Variants in GOLGB1 observed in about 807,000 individuals in gnomAD.
GOLGB1 encodes golgin B1.
Under a neutral mutation model 336.9 loss-of-function variants are expected in GOLGB1, and 174 were observed. That is an observed-to-expected ratio of 0.52 (90% CI 0.46 to 0.59). The LOEUF (loss-of-function observed/expected upper bound fraction) is 0.59. Ranked by LOEUF, GOLGB1 falls within the 20% of genes least tolerant of loss-of-function variation. The pLI is 0.00. For missense variants in GOLGB1, 3,331 were observed against 3,645.3 expected, an observed-to-expected ratio of 0.91 and a Z score of 2.22; for synonymous variants, 1,208 against 1,289.2, an observed-to-expected ratio of 0.94 and a Z score of 1.35.
chr3:121,682,082 C>A (rs1941144328), intron 14 of GOLGB1, among the ~76,000 whole-genome samples: 4 of 152,296 alleles, frequency 2.6e-5, no homozygotes, highest in Admixed American at 2.6e-4. Flanking sequence ...ATCAAGGCTA[C>A]AGGGTGTGAC....
At chr3:121,680,476 G>T (rs1230402461) in intron 15 of GOLGB1, among the ~76,000 whole-genome samples, 4 of 152,108 alleles carry the variant, frequency 2.6e-5, no homozygotes, top group Non-Finnish European at 4.4e-5. Context: ...AAAAAGTATA[G>T]AAAGCTTCAG....
At chr3:121,683,722 A>G (rs926221617) in intron 14 of GOLGB1, among the ~76,000 whole-genome samples, 4 of 152,260 alleles carry the variant, frequency 2.6e-5, no homozygotes, top group African/African-American at 9.6e-5. Context: ...CAAAGATTTA[A>G]GAGATAACAT....
At chr3:121,677,202 TAAAAAA>T in intron 16 of GOLGB1, 77 bp downstream of exon 16, 1 of 1,137,420 alleles carries the variant, frequency 8.8e-7, no homozygotes, top group Non-Finnish European at 1.2e-6. Flanking sequence ...GGTAGCGTCT[TAAAAAA>T]AAAACAAAAC....
Position 121,667,630 on chromosome 3 carries a change from CA to C in GOLGB1, c.9420-21del. The C allele has an allele frequency of 6.2e-7, 1 of 1,608,282 alleles. No individual in the cohort carries two copies. Among genetic ancestry groups the C allele is most frequent in the Admixed American group, 1.7e-5 (1 of 59,008 alleles). ...GAAAAGCTTTAGGATGAGAGGAAAACAAAAAGCATCATCAGATGCAGAAAAC... is the reference window on the plus strand; with the variant it reads ...GAAAAGCTTTAGGATGAGAGGAAAACAAAAGCATCATCAGATGCAGAAAAC... On this transcript the variant is annotated intron_variant, in intron 19 of 21. Transcript: ENST00000614479.
chr3:121,727,348 T>TTTTC (rs1486301711), intron 4 of GOLGB1, among the ~76,000 whole-genome samples: 69 of 110,118 alleles, frequency 6.3e-4, no homozygotes, highest in Non-Finnish European at 1.1e-3. Context: ...TTTTTTTTTT[T>TTTTC]CCCTCACACC....
chr3:121,709,650 A>C (rs576708353), intron 10 of GOLGB1, among the ~76,000 whole-genome samples: 10 of 152,306 alleles, frequency 6.6e-5, no homozygotes, highest in African/African-American at 2.2e-4. Context: ...TGATTAAAAA[A>C]CCACAACATA....
chr3:121,721,251 G>A (rs912454848), intron 6 of GOLGB1, among the ~76,000 whole-genome samples: 16 of 151,782 alleles, frequency 1.1e-4, no homozygotes, highest in African/African-American at 3.9e-4. Context: ...TATTAATAAA[G>A]TAAACACCTA....
intron 14 of GOLGB1, among the ~76,000 whole-genome samples, chr3:121,685,762 G>A (rs948429092): frequency 2.6e-5 from 4 of 152,140 alleles, no homozygotes; most frequent in Admixed American, 2.6e-4. Flanking sequence ...AATTGCCTCA[G>A]AAGAAATGGG....
intron 9 of GOLGB1, 106 bp downstream of exon 9, chr3:121,716,631 G>T (rs1944798982): frequency 2.2e-6 from 2 of 906,770 alleles, no homozygotes; most frequent in Non-Finnish European, 3.3e-6. Flanking sequence ...CCTTCTATTG[G>T]TTCAATTGGT....
At chr3:121,724,073 G>A (rs1282903511) in intron 5 of GOLGB1, among the ~76,000 whole-genome samples, 1 of 152,086 alleles carries the variant, frequency 6.6e-6, no homozygotes, top group African/African-American at 2.4e-5. Context: ...AGGAAAATTG[G>A]TATTGACAAG....
At position 121,689,319 on chromosome 3, in the gene GOLGB1, G is replaced by T. The variant is rs530483908; in HGVS notation, c.8694+1351C>A. Among the ~76,000 whole-genome samples the T allele has an allele frequency of 2.0e-3, 308 of 152,270 alleles. 2 individuals are homozygous for T. The highest frequency in any genetic ancestry group is 7.1e-3 in the African/African-American group (295 of 41,556). ...TGTTCTGTACTAAGAAAAAATCTTC[G>T]GCCTTGGGATCCTGTTGATCTGTGA... On this transcript the variant is annotated intron_variant, in intron 14 of 21. Transcript: ENST00000614479.
At chr3:121,692,720 A>C (rs1942561154) in intron 13 of GOLGB1, 139 bp from the exon 14 acceptor site, 2 of 572,908 alleles carry the variant, frequency 3.5e-6, no homozygotes, top group South Asian at 2.5e-5. Context: ...TTTACTGAAG[A>C]GGTATTAATT....
Position 121,698,598 on chromosome 3 carries a change from T to G in GOLGB1, c.1925A>C (p.Lys642Thr). 1.2e-6 allele frequency: 2 copies of G among 1,613,932 alleles called. No homozygotes were observed. The highest frequency in any genetic ancestry group is 1.7e-6 in the Non-Finnish European group (2 of 1,179,880). ...NEESSLPAVEKEQASTEHQSR... is the reference protein window; with the variant it reads ...NEESSLPAVETEQASTEHQSR... ...TTGATGTTCAGTGCTCGCCTGTTCT[T>G]TTTCAACTGCTGGAAGACTGCTCTC... Residue 642 changes from lysine (K) to threonine (T), a missense_variant, in exon 13 of 22, where the codon AAA becomes ACA. Physicochemically the swap from Lys to Thr is moderately conservative, Grantham distance 78. Transcript: ENST00000614479.
At chr3:121,690,165 CT>C (rs957004307) in intron 14 of GOLGB1, among the ~76,000 whole-genome samples, 3 of 152,088 alleles carry the variant, frequency 2.0e-5, no homozygotes, top group Non-Finnish European at 2.9e-5. Flanking sequence ...TTTTACGTCA[CT>C]TTTTTTTATT....
chr3:121,721,089 A>G (rs1199888067), intron 6 of GOLGB1, among the ~76,000 whole-genome samples: 1 of 152,206 alleles, frequency 6.6e-6, no homozygotes, highest in Non-Finnish European at 1.5e-5. Context: ...GTGCTTATAC[A>G]TAAAAAGGAC....
At chr3:121,703,130 G>T (rs1344760046) in intron 10 of GOLGB1, among the ~76,000 whole-genome samples, 3 of 152,076 alleles carry the variant, frequency 2.0e-5, no homozygotes, top group African/African-American at 7.2e-5. Context: ...CCTAAGGATA[G>T]GCATATATCT....
intron 14 of GOLGB1, among the ~76,000 whole-genome samples, chr3:121,682,408 CTTTTT>C (rs947351475): frequency 1.3e-5 from 2 of 149,204 alleles, no homozygotes; most frequent in Non-Finnish European, 3.0e-5. Context: ...TCATACTCTT[CTTTTT>C]TTTTTGAGAG....
rs767953563 is a variant in GOLGB1 at position 121,698,301 on chromosome 3, CTGT to C, written c.2219_2221del (p.Asn740del). The C allele has an allele frequency of 5.0e-6, 8 of 1,613,866 alleles. No individual in the cohort carries two copies. In the East Asian group the frequency reaches 1.1e-4, roughly 22 times the overall value. On this transcript the variant is annotated inframe_deletion, in exon 13 of 22. Transcript: ENST00000614479. ...TTCAGACAAAGCAGTGAATGCACTG[CTGT>C]TGTTGTCAGCATTTTTCTTAAACTC...
chr3:121,745,930 C>G (rs1179162196), intron 1 of GOLGB1, among the ~76,000 whole-genome samples: 5 of 152,100 alleles, frequency 3.3e-5, no homozygotes, highest in Non-Finnish European at 7.4e-5. Flanking sequence ...ACCTGGTGTT[C>G]AGCATTATGC....
Sources: allele counts gnomAD v4.1 joint callset (sites outside exome capture counted in the v4.1 genomes callset), GRCh38; gene constraint gnomAD v4.1.1; transcripts MANE v1.5; gene names NCBI Gene and HGNC (gene_info 2026-07-23, HGNC 2026-07-21).